PC: variants seen among roughly 807,000 people sequenced by gnomAD.
PC encodes pyruvate carboxylase, mitochondrial.
PC carries 46 observed loss-of-function variants against 107.8 expected under a neutral mutation model. That is an observed-to-expected ratio of 0.43 (90% CI 0.34 to 0.55). The LOEUF (loss-of-function observed/expected upper bound fraction) is 0.55, where lower values mean the gene tolerates loss of function less well. Among genes scored for constraint, PC ranks in the 20% least tolerant of loss-of-function variants. The probability of loss-of-function intolerance (pLI) is 0.04; values close to 1 mark genes in which losing one functional copy is unlikely to be tolerated. For missense variants in PC, 1,241 were observed against 1,643.1 expected, an observed-to-expected ratio of 0.76 and a Z score of 4.23; for synonymous variants, 662 against 684.7, an observed-to-expected ratio of 0.97 and a Z score of 0.52.
chr11:66,849,969 G>C lies in PC; in HGVS notation c.2866C>G (p.His956Asp), dbSNP rs780479160. The C allele has an allele frequency of 6.2e-7, 1 of 1,613,594 alleles. No individual in the cohort carries two copies. The highest frequency in any genetic ancestry group is 1.1e-5 in the South Asian group (1 of 91,082). Residue 956 changes from histidine to aspartate, a missense_variant, in exon 20 of 23, where the codon CAT (histidine) becomes GAT (aspartate). Around this residue, in one of 2 missense-constraint regions of PC, gnomAD observed 1,143 missense variants for 1,551.9 expected, o/e 0.74. Transcript: ENST00000393960. Reference sequence around the variant, plus strand: ...CGAAAGGGTTCGGGGAACCCCCCATGGGGGACACCGATGTAGCCCTGCAGG... The same window carrying C: ...CGAAAGGGTTCGGGGAACCCCCCATCGGGGACACCGATGTAGCCCTGCAGG... ...EFLQGYIGVP[H>D]GGFPEPFRSK...
At chr11:66,923,223 G>A (rs1591287289) in intron 3 of PC, among the ~76,000 whole-genome samples, 2 of 152,108 alleles carry the variant, frequency 1.3e-5, no homozygotes, top group South Asian at 2.1e-4. Context: ...TTAGCTGGGC[G>A]GGGTGGCATG....
At chr11:66,924,369 C>CAAAAAA (rs71045970) in intron 3 of PC, among the ~76,000 whole-genome samples, 6 of 65,590 alleles carry the variant, frequency 9.1e-5, no homozygotes, top group African/African-American at 1.8e-4. Context: ...CCATCTCTAC[C>CAAAAAA]AAAAAAAAAA....
chr11:66,878,592 G>C (rs979588001), intron 3 of PC, among the ~76,000 whole-genome samples: 2 of 152,196 alleles, frequency 1.3e-5, no homozygotes, highest in Admixed American at 1.3e-4. Context: ...TTTTTTCTTG[G>C]TGGGTAAAGG....
At chr11:66,913,241 G>C (rs918279225) in intron 3 of PC, among the ~76,000 whole-genome samples, 2 of 151,572 alleles carry the variant, frequency 1.3e-5, no homozygotes, top group Non-Finnish European at 2.9e-5. Context: ...CAGAGCTAGA[G>C]GGCCCAATGG....
intron 3 of PC, among the ~76,000 whole-genome samples, chr11:66,901,573 C>A (rs1021781526): frequency 2.0e-5 from 3 of 152,100 alleles, no homozygotes; most frequent in African/African-American, 7.2e-5. Context: ...TGGGTTTAAC[C>A]AATTCTTCTG....
intron 10 of PC, 134 bp downstream of exon 10, chr11:66,868,712 C>A: frequency 1.4e-6 from 1 of 721,542 alleles, no homozygotes; most frequent in Admixed American, 2.0e-5. Context: ...ACACTAAGTA[C>A]CTGGATCCCC....
chr11:66,931,088 T>C (rs1948835712), intron 3 of PC, among the ~76,000 whole-genome samples: 1 of 152,010 alleles, frequency 6.6e-6, no homozygotes, highest in Admixed American at 6.6e-5. Flanking sequence ...AAATTCAGAA[T>C]AGCTGGGGTG....
intron 12 of PC, among the ~76,000 whole-genome samples, chr11:66,859,296 C>T (rs969686695): frequency 6.6e-6 from 1 of 152,156 alleles, no homozygotes; most frequent in East Asian, 1.9e-4. Flanking sequence ...GGCAGAAGGA[C>T]CCCACCCCGA....
At chr11:66,953,450 C>G (rs181713349) in intron 2 of PC, among the ~76,000 whole-genome samples, 60 of 152,296 alleles carry the variant, frequency 3.9e-4, no homozygotes, top group African/African-American at 1.3e-3. Context: ...CGTGTTTATG[C>G]CCATGGGAGC....
At chr11:66,874,149 A>C (rs11828542) in intron 3 of PC, among the ~76,000 whole-genome samples, 1 of 152,078 alleles carries the variant, frequency 6.6e-6, no homozygotes, top group Non-Finnish European at 1.5e-5. Flanking sequence ...TAGTAGAGAC[A>C]GGGTTTCACC....
intron 3 of PC, among the ~76,000 whole-genome samples, chr11:66,901,380 G>A (rs1346547132): frequency 6.6e-6 from 1 of 152,198 alleles, no homozygotes; most frequent in Non-Finnish European, 1.5e-5. Context: ...CCACCATCCT[G>A]ACCCAGGCTG....
rs745961257 is a variant in PC at position 66,849,072 on chromosome 11, C to G, written c.3364G>C (p.Asp1122His). 5.6e-6 allele frequency: 9 copies of G among 1,614,014 alleles called. No homozygotes were observed. Among genetic ancestry groups the G allele is most frequent in the Non-Finnish European group, 5.1e-6 (6 of 1,180,056 alleles). ...IGAPMPGKVI[D>H]IKVVAGAKVA... is the part of the protein sequence containing the mutation. The stretch of plus-strand genomic sequence containing the variant: ...TTGGCCCCTGCCACCACTTTGATGT[C>G]TATCACCTTCCCAGGCATGGGCGCC... Residue 1122 changes from aspartate to histidine, a missense_variant, in exon 23 of 23, where the codon GAC becomes CAC. Physicochemically the swap from Asp to His is moderately conservative, Grantham distance 81. Coordinates refer to ENST00000393960, the MANE Select transcript of PC (RefSeq NM_001040716.2).
intron 3 of PC, among the ~76,000 whole-genome samples, chr11:66,879,051 C>T (rs1947087773): frequency 6.6e-6 from 1 of 152,192 alleles, no homozygotes; most frequent in Non-Finnish European, 1.5e-5. Flanking sequence ...ACATCAGCTG[C>T]TGTCACTATC....
intron 3 of PC, among the ~76,000 whole-genome samples, chr11:66,928,179 G>A (rs1197773394): frequency 2.0e-5 from 3 of 152,112 alleles, no homozygotes; most frequent in Admixed American, 6.5e-5. Flanking sequence ...AAGGTCAGGA[G>A]ATCGAGACCA....
Position 66,850,933 on chromosome 11 carries a change from G to GTGGGAGAGAGAGAGAGAGAGA in PC, c.2224-31_2224-11dup. The GTGGGAGAGAGAGAGAGAGAGA allele has an allele frequency of 6.2e-7, 1 of 1,607,954 alleles. No homozygotes were observed. The highest frequency in any genetic ancestry group is 8.5e-7 in the Non-Finnish European group (1 of 1,179,924). On this transcript the variant is annotated splice_polypyrimidine_tract_variant and intron_variant, in intron 17 of 22. Transcript: ENST00000393960. ...GCAGCCCGGCCATGTCCTGGGGGAA[G>GTGGGAGAGAGAGAGAGAGAGA]TGGGAGAGAGAGAGAGAGAGATGGT...
At chr11:66,850,577 G>A in intron 18 of PC, 97 bp downstream of exon 18, 1 of 1,601,180 alleles carries the variant, frequency 6.2e-7, no homozygotes, top group Non-Finnish European at 8.5e-7. Context: ...CAAGGCCAGA[G>A]CAGGGCATCT....
chr11:66,899,345 T>C (rs1424481627), intron 3 of PC, among the ~76,000 whole-genome samples: 1 of 152,174 alleles, frequency 6.6e-6, no homozygotes, highest in Admixed American at 6.5e-5. Flanking sequence ...TGCCACACGA[T>C]GTTGCAGTCA....
At chr11:66,904,369 T>A (rs1236093863) in intron 3 of PC, among the ~76,000 whole-genome samples, 1 of 152,142 alleles carries the variant, frequency 6.6e-6, no homozygotes, top group Non-Finnish European at 1.5e-5. Flanking sequence ...CTGGGCGCGG[T>A]GGCTCATGTC....
chr11:66,957,112 G>A (rs886772060), intron 1 of PC, among the ~76,000 whole-genome samples: 4 of 152,230 alleles, frequency 2.6e-5, no homozygotes, highest in African/African-American at 9.6e-5. Context: ...CAGCACAAGT[G>A]TTTGCATCAC....
Sources: allele counts gnomAD v4.1 joint callset (sites outside exome capture counted in the v4.1 genomes callset), GRCh38; gene constraint gnomAD v4.1.1; regional missense constraint gnomAD v4.1.1; transcripts MANE v1.5; gene names NCBI Gene and HGNC (gene_info 2026-07-23, HGNC 2026-07-21).